USP34: variants seen among roughly 807,000 people sequenced by gnomAD.
USP34 encodes ubiquitin carboxyl-terminal hydrolase 34.
Under a neutral mutation model 460.3 loss-of-function variants are expected in USP34, and 70 were observed. The ratio of observed to expected loss-of-function variants is 0.15; its 90% CI spans 0.13 to 0.19. The LOEUF is 0.19. Ranked by LOEUF, USP34 falls within the 10% of genes least tolerant of loss-of-function variation. USP34 has a pLI of 1.00. For synonymous variants in USP34, 1,647 were observed against 1,405.3 expected (o/e 1.17, Z -3.85); for missense variants, 3,985 against 4,236.2 (o/e 0.94, Z 1.65).
intron 78 of USP34, 186 bp from the exon 79 acceptor site, chr2:61,189,255 A>T: frequency 3.9e-6 from 2 of 512,528 alleles, no homozygotes; most frequent in Non-Finnish European, 6.1e-6. Context: ...GCATTTCATT[A>T]GTTGTTTTTT....
chr2:61,222,783 A>C, intron 64 of USP34, 120 bp from the exon 65 acceptor site: 1 of 914,776 alleles, frequency 1.1e-6, no homozygotes, highest in Non-Finnish European at 1.7e-6. Flanking sequence ...TGCAGCCTCC[A>C]CTTCTCAGGC....
intron 10 of USP34, among the ~76,000 whole-genome samples, chr2:61,355,610 A>C (rs1015936289): frequency 5.9e-5 from 9 of 151,788 alleles, no homozygotes; most frequent in African/African-American, 1.7e-4. Flanking sequence ...TTCACTACAA[A>C]AACAACAACA....
At chr2:61,303,474 T>C (rs1042854788) in intron 27 of USP34, among the ~76,000 whole-genome samples, 1 of 152,246 alleles carries the variant, frequency 6.6e-6, no homozygotes, top group African/African-American at 2.4e-5. Flanking sequence ...TACCATTTTA[T>C]AGTGTATTTT....
At chr2:61,383,193 CAATAT>C in intron 6 of USP34, 71 bp downstream of exon 6, 2 of 1,097,670 alleles carry the variant, frequency 1.8e-6, no homozygotes, top group South Asian at 3.7e-5. Flanking sequence ...GACTTTCAAA[CAATAT>C]AATTCTATAT....
rs972876776 is a variant in USP34, at chr2:61,370,730, A to G, written c.1077-151T>C. On this transcript the variant is annotated intron_variant, in intron 8 of 79. Coordinates refer to ENST00000398571, the MANE Select transcript of USP34 (RefSeq NM_014709.4). ...GTTTTATAGAATACTACAAAGCATAACTAGAATGAAATATGATGCTGAATT... is the reference window on the plus strand; with the variant it reads ...GTTTTATAGAATACTACAAAGCATAGCTAGAATGAAATATGATGCTGAATT... 4 of 655,102 alleles carry G rather than the reference A, an allele frequency of 6.1e-6. No homozygotes were observed. In the South Asian group the frequency reaches 8.3e-5, roughly 14 times the overall value. 40.6% of individuals were successfully genotyped at this position (655,102 alleles called of 1,614,324 possible). A position where few individuals can be genotyped will look rare whatever the true frequency, so the allele number is the denominator to read the frequency against.
chr2:61,356,472 A>AGCGCGCGC (rs147443977), intron 10 of USP34, among the ~76,000 whole-genome samples: 2 of 145,194 alleles, frequency 1.4e-5, no homozygotes, highest in South Asian at 2.2e-4. Context: ...CCTGGGTGAA[A>AGCGCGCGC]GCGCACACAC....
intron 61 of USP34, 138 bp from the exon 62 acceptor site, chr2:61,227,356 C>G: frequency 1.1e-6 from 1 of 933,776 alleles, no homozygotes; most frequent in Non-Finnish European, 1.6e-6. Flanking sequence ...AGACCTAAAC[C>G]TAATGTAAAA....
chr2:61,215,905 C>G (rs1687382298), intron 67 of USP34, among the ~76,000 whole-genome samples: 1 of 152,146 alleles, frequency 6.6e-6, no homozygotes, highest in Non-Finnish European at 1.5e-5. Context: ...GGATTCAAAT[C>G]CAGCCAATCA....
intron 3 of USP34, among the ~76,000 whole-genome samples, chr2:61,401,636 C>T (rs1019182460): frequency 2.7e-5 from 4 of 147,068 alleles, no homozygotes; most frequent in African/African-American, 1.0e-4. Flanking sequence ...GCAAGCTCCG[C>T]CTCCTGGGTT....
intron 67 of USP34, among the ~76,000 whole-genome samples, chr2:61,219,284 C>A (rs746507826): frequency 2.3e-4 from 35 of 152,156 alleles, no homozygotes; most frequent in Non-Finnish European, 4.7e-4. Context: ...ATAGGATATT[C>A]CACACACATC....
chr2:61,340,488 A>G (rs781281168), intron 16 of USP34, among the ~76,000 whole-genome samples: 5 of 152,212 alleles, frequency 3.3e-5, no homozygotes, highest in Non-Finnish European at 7.3e-5. Context: ...AAAGATTTCC[A>G]AAGAGGCTGT....
chr2:61,442,853 A>T (rs1199826517), intron 1 of USP34, among the ~76,000 whole-genome samples: 1 of 151,684 alleles, frequency 6.6e-6, no homozygotes, highest in Non-Finnish European at 1.5e-5. Flanking sequence ...AAATCAACCT[A>T]CGTGTTCAAC....
At chr2:61,278,783 T>TAA (rs11404093) in intron 39 of USP34, among the ~76,000 whole-genome samples, 198 of 149,028 alleles carry the variant, frequency 1.3e-3, no homozygotes, top group Non-Finnish European at 2.3e-3. Flanking sequence ...TAAAGTATAA[T>TAA]AAAAAAAAAA....
intron 21 of USP34, among the ~76,000 whole-genome samples, chr2:61,322,118 T>C (rs1690942057): frequency 6.6e-6 from 1 of 152,038 alleles, no homozygotes; most frequent in Admixed American, 6.6e-5. Flanking sequence ...TAATACCAGC[T>C]ACTCGGGAGG....
intron 49 of USP34, 40 bp downstream of exon 49, chr2:61,248,471 G>A (rs1181472525): frequency 6.7e-7 from 1 of 1,502,722 alleles, no homozygotes; most frequent in East Asian, 2.3e-5. Context: ...TATGGAGATT[G>A]ACAATAATCA....
chr2:61,242,621 G>C (rs1379264589), intron 51 of USP34, among the ~76,000 whole-genome samples: 12 of 152,040 alleles, frequency 7.9e-5, no homozygotes, highest in Admixed American at 7.9e-4. Context: ...ATCCCAGAGA[G>C]GTAAGTGAAC....
At chr2:61,221,905 C>T (rs1487855484) in intron 65 of USP34, 7 of 223,988 alleles carry the variant, frequency 3.1e-5, no homozygotes, top group Admixed American at 1.7e-4. Context: ...CGATGTACAA[C>T]GTTTTGAAAT....
rs1401842435 is a variant in USP34 at position 61,311,616 on chromosome 2, A to T, written c.3741T>A (p.Asn1247Lys). ...LRAEVTHWYE[N>K]LQKEQINQQA... ...GTTGATTTATTTGTTCTTTCTGTAAATTTTCATACCAATGAGTTACTTCAG... is the reference window on the plus strand; with the variant it reads ...GTTGATTTATTTGTTCTTTCTGTAATTTTTCATACCAATGAGTTACTTCAG... The change falls in exon 27 of 80, where the codon AAT becomes AAA. Residue 1247 changes from asparagine to lysine, a missense_variant. Coordinates refer to ENST00000398571, the MANE Select transcript of USP34 (RefSeq NM_014709.4). The T allele has an allele frequency of 4.3e-6, 7 of 1,613,394 alleles. No individual in the cohort carries two copies. The highest frequency in any genetic ancestry group is 3.3e-5 in the Admixed American group (2 of 59,926).
At chr2:61,461,406 A>T (rs1163992112) in intron 1 of USP34, among the ~76,000 whole-genome samples, 3 of 152,146 alleles carry the variant, frequency 2.0e-5, no homozygotes, top group Non-Finnish European at 4.4e-5. Context: ...AAAAATAAAA[A>T]AAAAAACCCA....
Sources: gnomAD v4.1 joint callset for allele counts (sites outside exome capture counted in the v4.1 genomes callset) on GRCh38, gnomAD v4.1.1 for gene constraint, MANE v1.5 for transcripts, NCBI Gene and HGNC (gene_info 2026-07-23, HGNC 2026-07-21) for gene names.